The following IL11RA variants were observed in gnomAD, a reference collection of about 807,000 sequenced individuals.
IL11RA encodes interleukin-11 receptor subunit alpha.
IL11RA carries 51 observed loss-of-function variants against 57.0 expected under a neutral mutation model. The observed-to-expected ratio is 0.89, with a 90% confidence interval of 0.71 to 1.13. The LOEUF (loss-of-function observed/expected upper bound fraction) is 1.13, where lower values mean the gene tolerates loss of function less well. Among genes scored for constraint, IL11RA ranks in the 50% most tolerant of loss-of-function variants. The pLI is 0.00. For missense variants in IL11RA, 498 were observed against 539.4 expected (o/e 0.92, Z 0.76); for synonymous variants, 199 against 217.5 (o/e 0.91, Z 0.75).
Position 34,653,933 on chromosome 9 carries a change from A to G in IL11RA, c.1-1285A>G, listed in dbSNP as rs1821294126. 6.6e-6 allele frequency: 1 copy of G among 152,396 alleles called. No homozygotes were observed. The highest frequency in any genetic ancestry group is 6.6e-5 in the Admixed American group (1 of 15,264). The allele number at this position is 152,396 out of a possible 1,614,324, so 9.4% of individuals were successfully genotyped here. A position where few individuals can be genotyped will look rare whatever the true frequency, so the allele number is the denominator to read the frequency against. On this transcript the variant is annotated intron_variant, in intron 1 of 12. Coordinates refer to ENST00000441545, the MANE Select transcript of IL11RA (RefSeq NM_001142784.3). The surrounding 1 kb of genome is among the most constrained non-coding windows in gnomAD (Gnocchi z 4.5). ...GTCCCAGAACTGAGTGGAGTAGGAG[A>G]CGGGGGCTGTAGCTGGTGAGAGGAA...
At chr9:34,656,020 C>T in intron 3 of IL11RA, 1 of 333,700 alleles carries the variant, frequency 3.0e-6, no homozygotes, top group Non-Finnish European at 5.8e-6. Context: ...TCGAAGAGGA[C>T]AACTGAGTGG....
rs1048603815 is a variant in IL11RA at position 34,658,368 on chromosome 9, C to T, written c.647-152C>T. On this transcript the variant is annotated intron_variant, in intron 7 of 12. Transcript: ENST00000441545. This position sits in a 1 kb window ranked among gnomAD's most constrained non-coding sequence, Gnocchi z 4.0. ...CAGCCCATTTCATAATACAGATGAC[C>T]GGTCTGAGTCTAATGGATGATCAAG... 2.0e-5 allele frequency: 16 copies of T among 797,846 alleles called. No homozygotes were observed. The highest frequency in any genetic ancestry group is 1.8e-4 in the East Asian group (7 of 37,960). The allele number at this position is 797,846 out of a possible 1,614,324, so 49.4% of individuals were successfully genotyped here.
chr9:34,660,381 C>T lies in IL11RA; in HGVS notation c.1060C>T (p.Pro354Ser). The change falls in exon 10 of 13, where the codon CCT becomes TCT. Residue 354 changes from proline (P) to serine (S), a missense_variant. By Grantham distance (74) the Pro-to-Ser change is moderately conservative. Coordinates refer to ENST00000441545, the MANE Select transcript of IL11RA (RefSeq NM_001142784.3). Reference protein sequence around the residue: ...APPRPSLQPHPRLLDHRDSVE... With the variant: ...APPRPSLQPHSRLLDHRDSVE... ...TCCAAGGCCCTCCCTCCAACCACAC[C>T]CTCGGCTACTTGGTGAGCTTGGGCA... 6.2e-7 allele frequency: 1 copy of T among 1,614,152 alleles called. No homozygotes were observed. Among genetic ancestry groups the T allele is most frequent in the African/African-American group, 1.3e-5 (1 of 75,056 alleles).
At position 34,656,778 on chromosome 9, in the gene IL11RA, G is replaced by A. The variant is rs1587246279; in HGVS notation, c.201G>A (p.Leu67=). 5 of 1,614,206 alleles carry A rather than the reference G, an allele frequency of 3.1e-6. No homozygotes were observed. The highest frequency in any genetic ancestry group is 4.2e-6 in the Non-Finnish European group (5 of 1,180,036). ...VSWFRDGEPK[L]LQGPDSGLGH... ...GGTTTCGGGATGGGGAGCCAAAGCT[G>A]CTCCAGGGACCTGACTCTGGGCTAG... is the stretch of plus-strand genomic sequence containing the variant. Residue 67 remains leucine (L), a synonymous_variant, in exon 4 of 13, where the codon CTG becomes CTA. Transcript: ENST00000441545.
At position 34,655,022 on chromosome 9, in the gene IL11RA, C is replaced by T. The variant is rs1284512094; in HGVS notation, c.1-196C>T. ...GTGTGTGTGTGTGTGTGTGTGCGCG[C>T]GCACGCACATGCAAAGCACTGGGTA... On this transcript the variant is annotated intron_variant, in intron 1 of 12. Transcript: ENST00000441545. 29 of 602,376 alleles carry T rather than the reference C, an allele frequency of 4.8e-5. 1 individual carries two copies. The highest frequency in any genetic ancestry group is 3.1e-4 in the South Asian group (17 of 55,618). The allele number at this position is 602,376 out of a possible 1,614,324, so 37.3% of individuals were successfully genotyped here. A position where few individuals can be genotyped will look rare whatever the true frequency, so the allele number is the denominator to read the frequency against.
Position 34,657,056 on chromosome 9 carries a change from T to A in IL11RA, c.353T>A (p.Val118Asp). The A allele has an allele frequency of 6.2e-7, 1 of 1,614,034 alleles. No individual in the cohort carries two copies. The highest frequency in any genetic ancestry group is 8.5e-7 in the Non-Finnish European group (1 of 1,180,002). ...CTAGACCCTCCAGCCCGCCCTGTTG[T>A]CTCCTGCCAAGCAGCCGACTATGAG... ...QLGYPPARPV[V>D]SCQAADYENF... is the part of the protein sequence containing the mutation. Residue 118 changes from valine (V) to aspartate (D), a missense_variant, in exon 5 of 13, where the codon GTC (valine) becomes GAC (aspartate). Coordinates refer to ENST00000441545, the MANE Select transcript of IL11RA (RefSeq NM_001142784.3).
intron 3 of IL11RA, chr9:34,656,000 G>A (rs1821336324): frequency 2.7e-6 from 1 of 370,638 alleles, no homozygotes; most frequent in Non-Finnish European, 5.2e-6. Context: ...AAAAACCAAA[G>A]TGAGGGATGT....
chr9:34,661,871 A>G lies in IL11RA; in HGVS notation c.*373A>G. On this transcript the variant is annotated 3_prime_UTR_variant, in exon 13 of 13. Coordinates refer to ENST00000441545, the MANE Select transcript of IL11RA (RefSeq NM_001142784.3). Reference sequence around the variant, plus strand: ...GGTTGTGCAGGTGTGAATAAAGAGAATAAGGAAGTTCTTGGAGATTATACT... The same window carrying G: ...GGTTGTGCAGGTGTGAATAAAGAGAGTAAGGAAGTTCTTGGAGATTATACT... 6.4e-7 allele frequency: 1 copy of G among 1,558,888 alleles called. No individual in the cohort carries two copies. The highest frequency in any genetic ancestry group is 1.1e-5 in the South Asian group (1 of 87,404).
At chr9:34,659,616 TCCA>T (rs1821412706) in intron 8 of IL11RA, 140 bp from the exon 9 acceptor site, 1 of 985,860 alleles carries the variant, frequency 1.0e-6, no homozygotes, top group Admixed American at 1.7e-5. Context: ...TAGACTCAGC[TCCA>T]CCAGACACCC....
At chr9:34,660,978 C>T (rs1230829913) in intron 12 of IL11RA, 42 bp downstream of exon 12, 3 of 1,516,774 alleles carry the variant, frequency 2.0e-6, no homozygotes, top group Non-Finnish European at 2.7e-6. Context: ...GAGATGTTTG[C>T]CCCTATTTTG....
chr9:34,658,577 G>T lies in IL11RA; in HGVS notation c.704G>T (p.Arg235Leu), dbSNP rs771094310. 1.2e-6 allele frequency: 2 copies of T among 1,614,094 alleles called. No individual in the cohort carries two copies. The highest frequency in any genetic ancestry group is 1.7e-6 in the Non-Finnish European group (2 of 1,180,030). The part of the protein sequence containing the change: ...RVESVPGYPR[R>L]LRASWTYPAS... The stretch of plus-strand genomic sequence containing the variant: ...GAGTCAGTACCAGGTTACCCCCGAC[G>T]CCTGCGAGCCAGCTGGACATACCCT... Residue 235 changes from arginine to leucine, a missense_variant, in exon 8 of 13, where the codon CGC becomes CTC. Physicochemically the swap from Arg to Leu is moderately radical, Grantham distance 102. Transcript: ENST00000441545. This position sits in a 1 kb window ranked among gnomAD's most constrained non-coding sequence, Gnocchi z 4.0.
intron 9 of IL11RA, 91 bp downstream of exon 9, chr9:34,659,991 GC>G: frequency 6.7e-7 from 1 of 1,495,498 alleles, no homozygotes; most frequent in Non-Finnish European, 9.2e-7. Flanking sequence ...GGTGGCACAT[GC>G]CCTGCCCACA....
rs780569801 is a variant in IL11RA at position 34,655,657 on chromosome 9, G to C, written c.153G>C (p.Val51=). ...GRSVKLCCPG[V]TAGDPVSWFR... ...CCGTGAAGCTGTGTTGTCCTGGAGT[G>C]ACTGCCGGGTAAGTGCCCCACCTGC... is the stretch of plus-strand genomic sequence containing the variant. Residue 51 remains valine, a synonymous_variant, in exon 3 of 13, where the codon GTG becomes GTC. Transcript: ENST00000441545. The C allele has an allele frequency of 1.4e-4, 225 of 1,613,952 alleles. No individual in the cohort carries two copies. The highest frequency in any genetic ancestry group is 3.3e-4 in the Middle Eastern group (2 of 6,084).
intron 12 of IL11RA, among the ~76,000 whole-genome samples, 173 bp from the exon 13 acceptor site, chr9:34,661,309 G>A (rs1821452266): frequency 6.6e-6 from 1 of 152,056 alleles, no homozygotes; most frequent in African/African-American, 2.4e-5. Context: ...TGGGCCCAGA[G>A]CTAGGTCCAC....
Position 34,660,295 on chromosome 9 carries a change from C to CA in IL11RA, c.975dup (p.Ala326SerfsTer33). On this transcript the variant is annotated frameshift_variant, in exon 10 of 13. Coordinates refer to ENST00000441545, the MANE Select transcript of IL11RA (RefSeq NM_001142784.3). LOFTEE classifies it high-confidence loss of function. ...TTAGGGACCATACCAAAGGAGATAC[C>CA]AGCATGGGGCCAGCTACACACGCAG... The CA allele has an allele frequency of 6.2e-7, 1 of 1,614,216 alleles. No homozygotes were observed. The highest frequency in any genetic ancestry group is 1.3e-5 in the African/African-American group (1 of 75,052).
chr9:34,652,702 C>T (rs1171616433), intron 1 of IL11RA, among the ~76,000 whole-genome samples: 1 of 152,090 alleles, frequency 6.6e-6, no homozygotes, highest in Non-Finnish European at 1.5e-5. Flanking sequence ...TGGGTCCTAA[C>T]TTAAACCGTG....
At chr9:34,660,139 A>G in intron 9 of IL11RA, 135 bp from the exon 10 acceptor site, 1 of 1,369,382 alleles carries the variant, frequency 7.3e-7, no homozygotes, top group Non-Finnish European at 1.0e-6. Context: ...CATGCTCCCT[A>G]GGAGCTGGCC....
rs1821282572 is a variant in IL11RA, at chr9:34,653,114, G to C, written c.-1+881G>C. Among the ~76,000 whole-genome samples the C allele has an allele frequency of 6.6e-6, 1 of 151,184 alleles. No individual in the cohort carries two copies. The highest frequency in any genetic ancestry group is 2.1e-4 in the South Asian group (1 of 4,808). On this transcript the variant is annotated intron_variant, in intron 1 of 12. Transcript: ENST00000441545. This position sits in a 1 kb window ranked among gnomAD's most constrained non-coding sequence, Gnocchi z 4.5. ...GGGCCTGTAACAGTGATGAGATGCGGGTCTGCCCCGGCTAAGAGCTCCCTG... is the reference window on the plus strand; with the variant it reads ...GGGCCTGTAACAGTGATGAGATGCGCGTCTGCCCCGGCTAAGAGCTCCCTG...
intron 3 of IL11RA, chr9:34,655,920 A>G: frequency 1.8e-6 from 1 of 552,288 alleles, no homozygotes. Context: ...GCCTTCAAAG[A>G]GCTTACATCT....
Sources: allele counts gnomAD v4.1 joint callset (sites outside exome capture counted in the v4.1 genomes callset), GRCh38; gene constraint gnomAD v4.1.1; non-coding constraint Gnocchi (gnomAD v3.1); transcripts MANE v1.5; gene names NCBI Gene and HGNC (gene_info 2026-07-23, HGNC 2026-07-21).